RGMA: variants seen among roughly 807,000 people sequenced by gnomAD.
RGMA encodes repulsive guidance molecule A.
A neutral mutation model predicts 23.2 loss-of-function variants in RGMA; 10 were observed. That is an observed-to-expected ratio of 0.43 (90% CI 0.27 to 0.73). The LOEUF (loss-of-function observed/expected upper bound fraction) is 0.73, where lower values mean the gene tolerates loss of function less well. Ranked by LOEUF, RGMA falls within the 30% of genes least tolerant of loss-of-function variation. The pLI is 0.20. For missense variants in RGMA, 547 were observed against 630.5 expected (o/e 0.87, Z 1.42); for synonymous variants, 308 against 279.3 (o/e 1.10, Z -1.03).
intron 1 of RGMA, among the ~76,000 whole-genome samples, chr15:93,077,304 C>CT (rs1373610999): frequency 6.6e-6 from 1 of 152,186 alleles, no homozygotes; most frequent in Non-Finnish European, 1.5e-5. Context: ...CCAGGCCCTT[C>CT]TCCAAAGCAG....
intron 1 of RGMA, among the ~76,000 whole-genome samples, chr15:93,087,715 T>TA (rs1895661818): frequency 6.6e-6 from 1 of 152,158 alleles, no homozygotes; most frequent in Non-Finnish European, 1.5e-5. Flanking sequence ...GGCATCTTCT[T>TA]ACAGCAGTTA....
intron 2 of RGMA, among the ~76,000 whole-genome samples, chr15:93,056,319 G>A (rs2055013376): frequency 6.6e-6 from 1 of 152,214 alleles, no homozygotes; most frequent in African/African-American, 2.4e-5. Context: ...CAAAGGAGTG[G>A]CAAGAGGCAG....
chr15:93,049,141 C>T (rs2054876976), intron 3 of RGMA, among the ~76,000 whole-genome samples: 1 of 152,232 alleles, frequency 6.6e-6, no homozygotes, highest in African/African-American at 2.4e-5. Context: ...GCTCCTGTCT[C>T]TGCTGCTCCC....
At chr15:93,046,417 A>AT (rs1258247443) in intron 3 of RGMA, among the ~76,000 whole-genome samples, 1 of 152,162 alleles carries the variant, frequency 6.6e-6, no homozygotes, top group East Asian at 1.9e-4. Context: ...CCCACGAGAC[A>AT]TATTCCCAAC....
intron 2 of RGMA, among the ~76,000 whole-genome samples, chr15:93,063,480 G>C (rs140554616): frequency 2.5e-3 from 381 of 152,344 alleles, no homozygotes; most frequent in African/African-American, 8.8e-3. Context: ...GGGAGTCTCT[G>C]AGTTGAGATG....
In RGMA at chr15:93,067,941, GGA is replaced by G. The variant is rs369526874; in HGVS notation, c.130+4973_130+4974del. ...GTGACAGAGGGAACAGGCAGGACCA[GGA>G]GGAGGAAGGACCCATGGCCCCAGGT... On this transcript the variant is annotated intron_variant, in intron 2 of 3. Transcript: ENST00000329082. 8.5e-5 allele frequency among the ~76,000 whole-genome samples: 13 copies of G among 152,264 alleles called. No individual in the cohort carries two copies. The East Asian group carries it at 1.9e-3, about 23-fold the overall frequency.
intron 1 of RGMA, chr15:93,088,653 T>A: frequency 1.0e-6 from 1 of 982,188 alleles, no homozygotes; most frequent in South Asian, 2.0e-5. Flanking sequence ...AAGGGACGTG[T>A]GCCGGGTCTG....
chr15:93,086,210 T>G (rs1010146185), intron 1 of RGMA, among the ~76,000 whole-genome samples: 4 of 152,252 alleles, frequency 2.6e-5, no homozygotes, highest in African/African-American at 7.2e-5. Flanking sequence ...ACTTAAAAGT[T>G]AACTAAACTT....
At chr15:93,046,250 G>C (rs1359385164) in intron 3 of RGMA, among the ~76,000 whole-genome samples, 1 of 152,134 alleles carries the variant, frequency 6.6e-6, no homozygotes, top group Non-Finnish European at 1.5e-5. Flanking sequence ...TGACTAACTA[G>C]GACAGAGGAG....
intron 1 of RGMA, chr15:93,073,293 G>T (rs1895401442): frequency 6.9e-6 from 5 of 723,804 alleles, no homozygotes; most frequent in Non-Finnish European, 7.2e-6. Context: ...CGAGGCCGGC[G>T]AGGTAGCCGG....
intron 2 of RGMA, among the ~76,000 whole-genome samples, chr15:93,056,564 C>T (rs910114992): frequency 6.6e-6 from 1 of 152,134 alleles, no homozygotes; most frequent in Non-Finnish European, 1.5e-5. Flanking sequence ...ACTCTGGAAC[C>T]GTTGCACACA....
At chr15:93,081,517 G>A (rs970365879) in intron 1 of RGMA, among the ~76,000 whole-genome samples, 3 of 152,180 alleles carry the variant, frequency 2.0e-5, no homozygotes, top group Admixed American at 6.5e-5. Flanking sequence ...GCATACACAA[G>A]ACACACCAGG....
At chr15:93,051,677 C>G (rs745357505) in intron 3 of RGMA, among the ~76,000 whole-genome samples, 3 of 152,200 alleles carry the variant, frequency 2.0e-5, no homozygotes, top group Admixed American at 2.0e-4. Context: ...TGGAGTCACC[C>G]GGGCCTGGGG....
At chr15:93,084,901 C>G (rs890877485) in intron 1 of RGMA, among the ~76,000 whole-genome samples, 1 of 152,098 alleles carries the variant, frequency 6.6e-6, no homozygotes, top group African/African-American at 2.4e-5. Flanking sequence ...GCTGACAATA[C>G]TAGTAATGTG....
intron 1 of RGMA, among the ~76,000 whole-genome samples, chr15:93,082,176 G>T (rs1895569171): frequency 6.6e-6 from 1 of 152,196 alleles, no homozygotes; most frequent in Non-Finnish European, 1.5e-5. Flanking sequence ...TCATGGACAG[G>T]AACTATTGTT....
chr15:93,079,580 G>T (rs1895525588), intron 1 of RGMA, among the ~76,000 whole-genome samples: 1 of 152,196 alleles, frequency 6.6e-6, no homozygotes, highest in African/African-American at 2.4e-5. Flanking sequence ...GGCACTTTGG[G>T]AGGCCGAGGC....
intron 2 of RGMA, among the ~76,000 whole-genome samples, chr15:93,070,958 A>G (rs1198176922): frequency 6.6e-6 from 1 of 152,270 alleles, no homozygotes; most frequent in Non-Finnish European, 1.5e-5. Context: ...CAACAAAACC[A>G]CCACCACTCA....
chr15:93,068,745 C>G (rs1379743661), intron 2 of RGMA, among the ~76,000 whole-genome samples: 1 of 152,156 alleles, frequency 6.6e-6, no homozygotes, highest in Admixed American at 6.5e-5. Context: ...AAAGCCTAAC[C>G]CCAAAGTGAT....
At chr15:93,083,109 G>T (rs895451993) in intron 1 of RGMA, among the ~76,000 whole-genome samples, 4 of 152,268 alleles carry the variant, frequency 2.6e-5, no homozygotes, top group Non-Finnish European at 2.9e-5. Context: ...CTGAAGTCAG[G>T]AGACCCTGCC....
Sources: allele counts gnomAD v4.1 joint callset (sites outside exome capture counted in the v4.1 genomes callset), GRCh38; gene constraint gnomAD v4.1.1; transcripts MANE v1.5; gene names NCBI Gene and HGNC (gene_info 2026-07-23, HGNC 2026-07-21).